GPCPD1: variants seen among roughly 807,000 people sequenced by gnomAD.
GPCPD1 encodes the protein glycerophosphocholine phosphodiesterase GPCPD1.
GPCPD1 carries 29 observed loss-of-function variants against 89.2 expected under a neutral mutation model. That is an observed-to-expected ratio of 0.33 (90% CI 0.24 to 0.44). The LOEUF (loss-of-function observed/expected upper bound fraction) is 0.44. GPCPD1 is among the 20% of genes least tolerant of loss of function. GPCPD1 has a pLI of 1.00. For missense variants in GPCPD1, 594 were observed against 808.9 expected (o/e 0.73, Z 3.22); for synonymous variants, 258 against 266.3 (o/e 0.97, Z 0.30).
chr20:5,586,172 C>G (rs1381580121), intron 5 of GPCPD1, 22 bp downstream of exon 5: 6 of 1,256,064 alleles, frequency 4.8e-6, no homozygotes, highest in Non-Finnish European at 7.0e-6. Context: ...ATGCCTCAAA[C>G]AGATGCAGTT....
rs538853515 is a variant in GPCPD1 at position 5,563,549 on chromosome 20, C to T, written c.1329+1468G>A. ...TTTGAGACAGGATCTCTCTCTGTTG[C>T]CCAGGCTGGAGTGCAGTGGCACAAT... On this transcript the variant is annotated intron_variant, in intron 15 of 19. Transcript: ENST00000379019. 7.3e-5 allele frequency among the ~76,000 whole-genome samples: 11 copies of T among 151,110 alleles called. No homozygotes were observed. In the South Asian group the frequency reaches 2.3e-3, roughly 32 times the overall value.
In GPCPD1 at chr20:5,566,763, CAT is replaced by C; in HGVS notation, c.1235_1236del (p.His412ArgfsTer7). ...CGATCCTTAGATTTCAGTGCAGTCACATGAGTGAGCTAGAAAGCACACAAACA... is the reference window on the plus strand; with the variant it reads ...CGATCCTTAGATTTCAGTGCAGTCACGAGTGAGCTAGAAAGCACACAAACA... ...FDQLQLLKLTHVTALKSKDRK... is the reference protein window; with the variant it reads ...FDQLQLLKLTXVTALKSKDRK... On this transcript the variant is annotated frameshift_variant, in exon 14 of 20. Transcript: ENST00000379019. LOFTEE classifies it high-confidence loss of function. 6.3e-7 allele frequency: 1 copy of C among 1,584,638 alleles called. No individual in the cohort carries two copies. Among genetic ancestry groups the C allele is most frequent in the Non-Finnish European group, 8.7e-7 (1 of 1,153,380 alleles).
In GPCPD1 at chr20:5,610,201, G is replaced by A. The variant is rs571014449; in HGVS notation, c.-29+641C>T. On this transcript the variant is annotated intron_variant, in intron 1 of 19. Coordinates refer to ENST00000379019, the MANE Select transcript of GPCPD1 (RefSeq NM_019593.5). ...CTCTCCTACCTCAGCAAGGCAGTCT[G>A]AAGAGCTTTGGGAAAAGTAGAGCTT... 1.9e-3 allele frequency among the ~76,000 whole-genome samples: 296 copies of A among 152,322 alleles called. 3 individuals carry two copies. The highest frequency in any genetic ancestry group is 6.6e-3 in the African/African-American group (275 of 41,576).
At position 5,558,719 on chromosome 20, in the gene GPCPD1, T is replaced by C. The variant is rs141677622; in HGVS notation, c.1633A>G (p.Ile545Val). 5.6e-5 allele frequency: 89 copies of C among 1,599,222 alleles called. No homozygotes were observed. Among genetic ancestry groups the C allele is most frequent in the Middle Eastern group, 3.8e-4 (2 of 5,210 alleles). Residue 545 changes from isoleucine (I) to valine (V), a missense_variant, in exon 18 of 20, where the codon ATT becomes GTT. By Grantham distance (29) the Ile-to-Val change is conservative. Coordinates refer to ENST00000379019, the MANE Select transcript of GPCPD1 (RefSeq NM_019593.5). ...LMDLRSRTTP[I>V]AMSFAQFENL... Reference sequence around the variant, plus strand: ...TCAAACTGTGCAAAGCTCATTGCAATGGGGGTTGTCCGAGATCTGAGGTCC... The same window carrying C: ...TCAAACTGTGCAAAGCTCATTGCAACGGGGGTTGTCCGAGATCTGAGGTCC...
chr20:5,585,926 C>T, intron 5 of GPCPD1: 1 of 322,658 alleles, frequency 3.1e-6, no homozygotes, highest in Non-Finnish European at 5.6e-6. Context: ...CCTAACCATT[C>T]CAAATGAAAG....
intron 17 of GPCPD1, 105 bp downstream of exon 17, chr20:5,559,835 G>T: frequency 1.7e-6 from 1 of 591,414 alleles, no homozygotes; most frequent in Non-Finnish European, 2.9e-6. Context: ...GATTTCAGAG[G>T]ACAGATCATG....
At chr20:5,596,282 C>A (rs530482948) in intron 3 of GPCPD1, among the ~76,000 whole-genome samples, 1 of 152,170 alleles carries the variant, frequency 6.6e-6, no homozygotes, top group African/African-American at 2.4e-5. Flanking sequence ...CACCTAGCTA[C>A]TCGAGAGGCT....
At chr20:5,594,257 G>C (rs1375549038) in intron 3 of GPCPD1, among the ~76,000 whole-genome samples, 1 of 152,036 alleles carries the variant, frequency 6.6e-6, no homozygotes, top group Admixed American at 6.6e-5. Context: ...CTGGGGGTGG[G>C]GGCCCAGTAA....
chr20:5,604,936 G>C (rs1268205619), intron 1 of GPCPD1, among the ~76,000 whole-genome samples: 1 of 151,728 alleles, frequency 6.6e-6, no homozygotes, highest in Non-Finnish European at 1.5e-5. Context: ...CTGAGCCACA[G>C]AGCAAGACCC....
At position 5,578,527 on chromosome 20, in the gene GPCPD1, C is replaced by T; in HGVS notation, c.558G>A (p.Leu186=). The T allele has an allele frequency of 6.2e-7, 1 of 1,613,586 alleles. No individual in the cohort carries two copies. Among genetic ancestry groups the T allele is most frequent in the Non-Finnish European group, 8.5e-7 (1 of 1,179,494 alleles). Residue 186 remains leucine, a synonymous_variant, in exon 8 of 20, where the codon TTG becomes TTA. Coordinates refer to ENST00000379019, the MANE Select transcript of GPCPD1 (RefSeq NM_019593.5). The part of the protein sequence containing the change: ...PTVLHKMSNS[L]EISLISDNEF... ...CATTGTCGCTTATTAAGGATATCTC[C>T]AAGCTATTGGACATTTTGTGGAGTA...
intron 4 of GPCPD1, among the ~76,000 whole-genome samples, chr20:5,592,583 A>G (rs756674274): frequency 3.3e-5 from 5 of 152,180 alleles, no homozygotes; most frequent in Admixed American, 1.3e-4. Flanking sequence ...AAGGAAATAC[A>G]TTTTTTAACA....
chr20:5,557,069 A>C (rs1985814445), intron 19 of GPCPD1, among the ~76,000 whole-genome samples: 1 of 152,232 alleles, frequency 6.6e-6, no homozygotes, highest in South Asian at 2.1e-4. Context: ...TCTCCAAAGA[A>C]TGGGAAACAG....
At chr20:5,555,111 T>C (rs1457746407) in intron 19 of GPCPD1, among the ~76,000 whole-genome samples, 1 of 152,218 alleles carries the variant, frequency 6.6e-6, no homozygotes, top group Non-Finnish European at 1.5e-5. Context: ...GAAAATGGTT[T>C]TTTGAGACAA....
intron 7 of GPCPD1, among the ~76,000 whole-genome samples, chr20:5,579,690 C>T (rs750002371): frequency 7.2e-5 from 11 of 152,122 alleles, no homozygotes; most frequent in Non-Finnish European, 1.3e-4. Context: ...CCAACACGCC[C>T]GACACATTAT....
chr20:5,602,305 T>G lies in GPCPD1; in HGVS notation c.49+2059A>C, dbSNP rs1178678128. On this transcript the variant is annotated intron_variant, in intron 2 of 19. Transcript: ENST00000379019. The stretch of plus-strand genomic sequence containing the variant: ...TGGCCAGTTCTGCGGTCAGTCCATT[T>G]GCCCGACATGGCCAGCTCCTTCTAG... Among the ~76,000 whole-genome samples the G allele has an allele frequency of 2.6e-5, 4 of 152,224 alleles. No homozygotes were observed. In the East Asian group the frequency reaches 5.8e-4, roughly 22 times the overall value.
chr20:5,606,728 A>C (rs905149602), intron 1 of GPCPD1, among the ~76,000 whole-genome samples: 2 of 152,240 alleles, frequency 1.3e-5, no homozygotes, highest in Non-Finnish European at 2.9e-5. Flanking sequence ...GTCCAGCTCC[A>C]AACATCAACA....
chr20:5,590,836 T>C (rs1031876986), intron 4 of GPCPD1, among the ~76,000 whole-genome samples: 16 of 152,162 alleles, frequency 1.1e-4, no homozygotes, highest in African/African-American at 3.4e-4. Context: ...TTGTAATGAA[T>C]CTAATTATGA....
At chr20:5,607,752 A>C (rs1369299178) in intron 1 of GPCPD1, among the ~76,000 whole-genome samples, 1 of 150,446 alleles carries the variant, frequency 6.6e-6, no homozygotes, top group Non-Finnish European at 1.5e-5. Context: ...CAGAAGGTGG[A>C]GGTTGCAGTG....
At chr20:5,570,447 A>C (rs1986653199) in intron 11 of GPCPD1, among the ~76,000 whole-genome samples, 1 of 150,766 alleles carries the variant, frequency 6.6e-6, no homozygotes, top group South Asian at 2.1e-4. Context: ...AAAAAAAAAA[A>C]CGGACACAGA....
Sources: allele counts gnomAD v4.1 joint callset (sites outside exome capture counted in the v4.1 genomes callset), GRCh38; gene constraint gnomAD v4.1.1; transcripts MANE v1.5; gene names NCBI Gene and HGNC (gene_info 2026-07-23, HGNC 2026-07-21).